Variants in ZSWIM6 observed in about 807,000 individuals in gnomAD.
The protein encoded by ZSWIM6 is zinc finger SWIM domain-containing protein 6.
A neutral mutation model predicts 113.2 loss-of-function variants in ZSWIM6; 9 were observed. The ratio of observed to expected loss-of-function variants is 0.08; its 90% CI spans 0.05 to 0.14. The LOEUF (loss-of-function observed/expected upper bound fraction) is 0.14, where lower values mean the gene tolerates loss of function less well. Among genes scored for constraint, ZSWIM6 ranks in the 10% least tolerant of loss-of-function variants. The probability of loss-of-function intolerance (pLI) is 1.00; values close to 1 mark genes in which losing one functional copy is unlikely to be tolerated. For missense variants in ZSWIM6, 1,162 were observed against 1,552.2 expected (o/e 0.75, Z 4.22); for synonymous variants, 611 against 606.5 (o/e 1.01, Z -0.11).
At chr5:61,447,652 C>T (rs1486045363) in intron 1 of ZSWIM6, among the ~76,000 whole-genome samples, 1 of 152,140 alleles carries the variant, frequency 6.6e-6, no homozygotes, top group African/African-American at 2.4e-5. Flanking sequence ...TCTAAGAATT[C>T]TCCTGGCTTG....
intron 1 of ZSWIM6, among the ~76,000 whole-genome samples, chr5:61,333,262 T>C (rs1744306890): frequency 6.6e-6 from 1 of 151,658 alleles, no homozygotes; most frequent in Admixed American, 6.6e-5. Context: ...GGAGGGCTGT[T>C]CGCCGGTTTC....
At chr5:61,422,287 A>G (rs1561231082) in intron 1 of ZSWIM6, among the ~76,000 whole-genome samples, 1 of 152,114 alleles carries the variant, frequency 6.6e-6, no homozygotes. Flanking sequence ...TTGCATATGG[A>G]TATCTAATTT....
chr5:61,460,131 A>G (rs1162440457), intron 1 of ZSWIM6, among the ~76,000 whole-genome samples: 2 of 152,122 alleles, frequency 1.3e-5, no homozygotes, highest in Non-Finnish European at 2.9e-5. Context: ...TTCATAGTGG[A>G]TGAGGGATAT....
chr5:61,345,125 T>C (rs931509700), intron 1 of ZSWIM6, among the ~76,000 whole-genome samples: 1 of 152,190 alleles, frequency 6.6e-6, no homozygotes, highest in African/African-American at 2.4e-5. Context: ...TTAAAATTGC[T>C]GTAGCTGTTG....
At position 61,473,040 on chromosome 5, in the gene ZSWIM6, G is replaced by A. The variant is rs1747611156; in HGVS notation, c.1033+3G>A. The A allele has an allele frequency of 6.7e-7, 1 of 1,502,922 alleles. No individual in the cohort carries two copies. Among genetic ancestry groups the A allele is most frequent in the Middle Eastern group, 1.7e-4 (1 of 5,796 alleles). The allele number at this position is 1,502,922 out of a possible 1,614,324, so 93.1% of individuals were successfully genotyped here. ...TTCAGAAATCAACCAAGTTCATGGTGAGTATAGACATTGACTCTTTAAATT... is the reference window on the plus strand; with the variant it reads ...TTCAGAAATCAACCAAGTTCATGGTAAGTATAGACATTGACTCTTTAAATT... On this transcript the variant is annotated splice_donor_region_variant and intron_variant, in intron 2 of 13. Transcript: ENST00000252744.
At chr5:61,452,809 G>A (rs1463747625) in intron 1 of ZSWIM6, among the ~76,000 whole-genome samples, 3 of 152,112 alleles carry the variant, frequency 2.0e-5, no homozygotes, top group Non-Finnish European at 4.4e-5. Flanking sequence ...TTCTCTTTGA[G>A]GATTTAGTCC....
At chr5:61,394,428 C>T (rs550331858) in intron 1 of ZSWIM6, among the ~76,000 whole-genome samples, 27 of 152,208 alleles carry the variant, frequency 1.8e-4, no homozygotes, top group Admixed American at 1.8e-3. Flanking sequence ...ATTGCCTGGC[C>T]TGCTAAGCAA....
intron 1 of ZSWIM6, among the ~76,000 whole-genome samples, chr5:61,437,736 A>G (rs1348597070): frequency 2.6e-5 from 4 of 151,496 alleles, no homozygotes; most frequent in Admixed American, 2.0e-4. Context: ...AAAAAAAAAA[A>G]AAAGAAATCC....
At chr5:61,423,417 A>C (rs1464164334) in intron 1 of ZSWIM6, among the ~76,000 whole-genome samples, 28 of 149,682 alleles carry the variant, frequency 1.9e-4, no homozygotes, top group South Asian at 7.0e-4. Context: ...TCAAAAAAAA[A>C]ACACAAAAAA....
chr5:61,366,903 G>T (rs1745166276), intron 1 of ZSWIM6, among the ~76,000 whole-genome samples: 1 of 150,988 alleles, frequency 6.6e-6, no homozygotes, highest in South Asian at 2.1e-4. Context: ...ACTCCAGCTT[G>T]GGTGACAGAG....
intron 1 of ZSWIM6, among the ~76,000 whole-genome samples, chr5:61,447,622 G>A (rs1168017352): frequency 6.6e-6 from 1 of 152,182 alleles, no homozygotes. Context: ...AAAAGGGTCA[G>A]GCAGTTTCTT....
At position 61,332,582 on chromosome 5, in the gene ZSWIM6, C is replaced by A. The variant is rs1365446571; in HGVS notation, c.310C>A (p.Pro104Thr). Residue 104 changes from proline to threonine, a missense_variant, in exon 1 of 14, where the codon CCG becomes ACG. By Grantham distance (38) the Pro-to-Thr change is conservative (BLOSUM62 -1). This residue lies in a region of ZSWIM6 where 333 missense variants were observed against 293.4 expected (regional missense o/e 1.13). Transcript: ENST00000252744. ...GGAGCGCTTTGAGCGCATCCCGGAG[C>A]CGGTGCAGCGCCGCATAGTCTATTG... is the stretch of plus-strand genomic sequence containing the variant. The part of the protein sequence containing the change: ...VEERFERIPE[P>T]VQRRIVYWSF... The A allele has an allele frequency of 7.4e-7, 1 of 1,358,968 alleles. No homozygotes were observed. Among genetic ancestry groups the A allele is most frequent in the Admixed American group, 2.4e-5 (1 of 41,140 alleles). 84.2% of individuals were successfully genotyped at this position (1,358,968 alleles called of 1,614,324 possible). A position where few individuals can be genotyped will look rare whatever the true frequency, so the allele number is the denominator to read the frequency against.
In ZSWIM6 at chr5:61,539,618, A is replaced by T. The variant is rs1414004054; in HGVS notation, c.2562A>T (p.Thr854=). The change falls in exon 12 of 14, where the codon ACA becomes ACT. Residue 854 remains threonine, a synonymous_variant. Coordinates refer to ENST00000252744, the MANE Select transcript of ZSWIM6 (RefSeq NM_020928.2). ...CAGGCGATGTTCGGAGGCTGGAAAC[A>T]GTATTAGAATCCATCCAGAAAAACA... is the stretch of plus-strand genomic sequence containing the variant. ...AAKGDVRRLE[T]VLESIQKNIH... is the part of the protein sequence containing the mutation. 6.4e-7 allele frequency: 1 copy of T among 1,551,698 alleles called. No individual in the cohort carries two copies. The highest frequency in any genetic ancestry group is 2.4e-5 in the East Asian group (1 of 40,912).
chr5:61,388,663 A>G (rs866717612), intron 1 of ZSWIM6, among the ~76,000 whole-genome samples: 25 of 152,366 alleles, frequency 1.6e-4, no homozygotes, highest in Admixed American at 3.3e-4. Flanking sequence ...TGGCCACACA[A>G]CTAATAAATG....
intron 1 of ZSWIM6, among the ~76,000 whole-genome samples, chr5:61,393,325 C>T (rs62368660): frequency 0.21 from 32,465 of 151,754 alleles, 3,657 homozygotes; most frequent in South Asian, 0.31. Context: ...GGACCACAGG[C>T]GTGAGCCACT....
At chr5:61,424,871 G>A (rs1452262374) in intron 1 of ZSWIM6, among the ~76,000 whole-genome samples, 1 of 151,750 alleles carries the variant, frequency 6.6e-6, no homozygotes, top group African/African-American at 2.4e-5. Flanking sequence ...GGGATTACAG[G>A]CGCCCGCCAC....
intron 2 of ZSWIM6, among the ~76,000 whole-genome samples, chr5:61,484,267 T>A (rs541378717): frequency 6.6e-6 from 1 of 152,318 alleles, no homozygotes; most frequent in East Asian, 1.9e-4. Context: ...CAGATCTCCT[T>A]GTGGATTTTG....
chr5:61,450,331 G>A (rs1055134610), intron 1 of ZSWIM6, among the ~76,000 whole-genome samples: 1 of 152,200 alleles, frequency 6.6e-6, no homozygotes, highest in Non-Finnish European at 1.5e-5. Flanking sequence ...GTGAAAAATA[G>A]ATGGCTGTGG....
At chr5:61,393,099 G>A (rs1419473679) in intron 1 of ZSWIM6, among the ~76,000 whole-genome samples, 4 of 151,698 alleles carry the variant, frequency 2.6e-5, no homozygotes, top group Admixed American at 2.0e-4. Context: ...GAGTGCAGTG[G>A]TGCGATCTTG....
Sources: allele counts gnomAD v4.1 joint callset (sites outside exome capture counted in the v4.1 genomes callset), GRCh38; gene constraint gnomAD v4.1.1; regional missense constraint gnomAD v4.1.1; transcripts MANE v1.5; gene names NCBI Gene and HGNC (gene_info 2026-07-23, HGNC 2026-07-21).